SMAD2: variants seen among roughly 807,000 people sequenced by gnomAD.
SMAD2 encodes the protein SMAD family member 2.
In SMAD2, 8 loss-of-function variants were observed where a neutral mutation model predicts 64.4. The ratio of observed to expected loss-of-function variants is 0.12; its 90% CI spans 0.07 to 0.22. The LOEUF is 0.22. SMAD2 is among the 10% of genes least tolerant of loss of function. The probability of loss-of-function intolerance (pLI) is 1.00; values close to 1 mark genes in which losing one functional copy is unlikely to be tolerated. For synonymous variants in SMAD2, 203 were observed against 195.8 expected (o/e 1.04, Z -0.31); for missense variants, 289 against 561.2 (o/e 0.51, Z 4.90).
At chr18:47,928,100 C>T (rs528600732) in intron 1 of SMAD2, among the ~76,000 whole-genome samples, 1 of 152,190 alleles carries the variant, frequency 6.6e-6, no homozygotes, top group South Asian at 2.1e-4. Context: ...ACATGCCCCC[C>T]TCTACCCTCT....
intron 6 of SMAD2, among the ~76,000 whole-genome samples, chr18:47,857,492 G>C (rs932652564): frequency 1.3e-5 from 2 of 152,162 alleles, no homozygotes; most frequent in African/African-American, 4.8e-5. Context: ...TTAGTATGTA[G>C]AAGATTGGGG....
chr18:47,828,547 A>C lies in SMAD2; in HGVS notation c.*13280T>G. ...TCAGATTGTTGCTGTGTCTGTGTAG[A>C]AAGAAGTAGACATAGGAGACTCCAT... On this transcript the variant is annotated 3_prime_UTR_variant, in exon 11 of 11. Transcript: ENST00000262160. 1 of 168,502 alleles carries C rather than the reference A, an allele frequency of 5.9e-6. No homozygotes were observed. Among genetic ancestry groups the C allele is most frequent in the Non-Finnish European group, 1.2e-5 (1 of 80,852 alleles). The allele number at this position is 168,502 out of a possible 1,614,324, so 10.4% of individuals were successfully genotyped here.
At chr18:47,891,826 C>T (rs754781591) in intron 2 of SMAD2, among the ~76,000 whole-genome samples, 2 of 151,944 alleles carry the variant, frequency 1.3e-5, no homozygotes, top group African/African-American at 4.8e-5. Context: ...TAAATAGACA[C>T]GAATTAAATT....
chr18:47,851,679 G>A (rs1455294973), intron 6 of SMAD2, among the ~76,000 whole-genome samples: 1 of 151,974 alleles, frequency 6.6e-6, no homozygotes, highest in Non-Finnish European at 1.5e-5. Context: ...TATACAAGTG[G>A]TAACCGTTTT....
intron 6 of SMAD2, among the ~76,000 whole-genome samples, chr18:47,856,944 G>A (rs1279626529): frequency 2.2e-5 from 3 of 138,866 alleles, no homozygotes; most frequent in South Asian, 2.3e-4. Flanking sequence ...TGCAAGCTCC[G>A]CCTCCCGGGT....
intron 1 of SMAD2, among the ~76,000 whole-genome samples, chr18:47,917,830 G>A (rs185316925): frequency 1.3e-5 from 2 of 152,230 alleles, no homozygotes; most frequent in East Asian, 1.9e-4. Flanking sequence ...TAGGATTACA[G>A]GCATGAGCCA....
At chr18:47,847,184 C>T (rs895790697) in intron 8 of SMAD2, among the ~76,000 whole-genome samples, 1 of 152,030 alleles carries the variant, frequency 6.6e-6, no homozygotes, top group Non-Finnish European at 1.5e-5. Flanking sequence ...AAACAAAAAA[C>T]TATTTTAGTT....
chr18:47,830,811 G>A lies in SMAD2; in HGVS notation c.*11016C>T, dbSNP rs1487438661. The A allele has an allele frequency of 6.4e-6, 1 of 157,064 alleles. No individual in the cohort carries two copies. 9.7% of individuals were successfully genotyped at this position (157,064 alleles called of 1,614,324 possible). A position where few individuals can be genotyped will look rare whatever the true frequency, so the allele number is the denominator to read the frequency against. ...GTTCAAGATACGTACTCTCAATGGA[G>A]AATCGCTGTTGGGCAGTGGTTAAGG... On this transcript the variant is annotated 3_prime_UTR_variant, in exon 11 of 11. Coordinates refer to ENST00000262160, the MANE Select transcript of SMAD2 (RefSeq NM_005901.6).
In SMAD2 at chr18:47,837,330, A is replaced by C. The variant is rs1443314077; in HGVS notation, c.*4497T>G. ...GTAATCCCAGCACTTTGGGAAGCCG[A>C]GGTGGACAGATCACGAGGTCAGGAG... is the stretch of plus-strand genomic sequence containing the variant. On this transcript the variant is annotated 3_prime_UTR_variant, in exon 11 of 11. Coordinates refer to ENST00000262160, the MANE Select transcript of SMAD2 (RefSeq NM_005901.6). 2 of 190,514 alleles carry C rather than the reference A, an allele frequency of 1.0e-5. No homozygotes were observed. Among genetic ancestry groups the C allele is most frequent in the Admixed American group, 1.2e-4 (2 of 16,196 alleles). The allele number at this position is 190,514 out of a possible 1,614,324, so 11.8% of individuals were successfully genotyped here. A position where few individuals can be genotyped will look rare whatever the true frequency, so the allele number is the denominator to read the frequency against.
chr18:47,875,395 T>C (rs1335706253), intron 2 of SMAD2, among the ~76,000 whole-genome samples: 3 of 152,140 alleles, frequency 2.0e-5, no homozygotes, highest in African/African-American at 7.2e-5. Flanking sequence ...GGTATTTTCA[T>C]AGTACAAAAG....
At chr18:47,925,135 C>T (rs750993205) in intron 1 of SMAD2, among the ~76,000 whole-genome samples, 1 of 152,178 alleles carries the variant, frequency 6.6e-6, no homozygotes, top group South Asian at 2.1e-4. Flanking sequence ...AAGGTAGACA[C>T]GTGTACTAAA....
intron 1 of SMAD2, among the ~76,000 whole-genome samples, chr18:47,897,018 C>T (rs903895649): frequency 6.6e-6 from 1 of 152,164 alleles, no homozygotes; most frequent in Non-Finnish European, 1.5e-5. Context: ...GTTGTAAGGA[C>T]TCCTCTTGTG....
intron 6 of SMAD2, among the ~76,000 whole-genome samples, chr18:47,859,795 A>G (rs1281344797): frequency 1.3e-5 from 2 of 152,236 alleles, no homozygotes; most frequent in African/African-American, 2.4e-5. Flanking sequence ...CAAAGACAAC[A>G]AAGACTACTG....
chr18:47,910,254 C>A (rs2034075024), intron 1 of SMAD2, among the ~76,000 whole-genome samples: 1 of 151,432 alleles, frequency 6.6e-6, no homozygotes, highest in Non-Finnish European at 1.5e-5. Context: ...AGACTCCACA[C>A]ATCAGAGGAA....
rs555171457 is a variant in SMAD2, at chr18:47,834,428, A to T, written c.*7399T>A. On this transcript the variant is annotated 3_prime_UTR_variant, in exon 11 of 11. Transcript: ENST00000262160. ...TCTGCTAAAAGTTTTGTATCCAGGG[A>T]AAGTCCCGCATCCAGGGAAACCCTC... 1 of 206,690 alleles carries T rather than the reference A, an allele frequency of 4.8e-6. No individual in the cohort carries two copies. Among genetic ancestry groups the T allele is most frequent in the Admixed American group, 5.9e-5 (1 of 16,834 alleles). 12.8% of individuals were successfully genotyped at this position (206,690 alleles called of 1,614,324 possible).
At chr18:47,887,326 C>G (rs150172991) in intron 2 of SMAD2, among the ~76,000 whole-genome samples, 31 of 152,308 alleles carry the variant, frequency 2.0e-4, no homozygotes, top group African/African-American at 7.2e-4. Flanking sequence ...TACTCTCCAG[C>G]TATTATTTTT....
In SMAD2 at chr18:47,835,347, T is replaced by G. The variant is rs571714511; in HGVS notation, c.*6480A>C. The G allele has an allele frequency of 8.8e-5, 18 of 203,938 alleles. No homozygotes were observed. The East Asian group carries it at 1.4e-3, about 15-fold the overall frequency. The allele number at this position is 203,938 out of a possible 1,614,324, so 12.6% of individuals were successfully genotyped here. A position where few individuals can be genotyped will look rare whatever the true frequency, so the allele number is the denominator to read the frequency against. ...TTCTCACAATTTTAATTAATCTGTG[T>G]GTATATTAGTTATATAAAGCAATGG... On this transcript the variant is annotated 3_prime_UTR_variant, in exon 11 of 11. Transcript: ENST00000262160.
In SMAD2 at chr18:47,820,304, A is replaced by C. The variant is rs571461378; in HGVS notation, c.*21523T>G. 2.7e-4 allele frequency: 41 copies of C among 152,330 alleles called. No homozygotes were observed. The highest frequency in any genetic ancestry group is 9.6e-4 in the African/African-American group (40 of 41,584). The allele number at this position is 152,330 out of a possible 1,614,324, so 9.4% of individuals were successfully genotyped here. ...TCAAAATTTTGCTTCCTAGGTTTTCACTAAAAATTAAGGTTAATAAGTTAA... is the reference window on the plus strand; with the variant it reads ...TCAAAATTTTGCTTCCTAGGTTTTCCCTAAAAATTAAGGTTAATAAGTTAA... On this transcript the variant is annotated 3_prime_UTR_variant, in exon 11 of 11. Transcript: ENST00000262160.
intron 1 of SMAD2, among the ~76,000 whole-genome samples, chr18:47,929,149 C>A (rs796805199): frequency 1.9e-4 from 29 of 152,310 alleles, no homozygotes; most frequent in African/African-American, 7.0e-4. Flanking sequence ...TAAATTACTT[C>A]TCCCATCTCT....
Sources: allele counts gnomAD v4.1 joint callset (sites outside exome capture counted in the v4.1 genomes callset), GRCh38; gene constraint gnomAD v4.1.1; transcripts MANE v1.5; gene names NCBI Gene and HGNC (gene_info 2026-07-23, HGNC 2026-07-21).